IKZF1: variants seen among roughly 807,000 people sequenced by gnomAD.
The protein encoded by IKZF1 is IKAROS family zinc finger 1, also known as DNA-binding protein Ikaros.
A neutral mutation model predicts 51.7 loss-of-function variants in IKZF1; 10 were observed. That is an observed-to-expected ratio of 0.19 (90% confidence interval 0.12 to 0.33). The LOEUF (loss-of-function observed/expected upper bound fraction) is 0.33, where lower values mean the gene tolerates loss of function less well. IKZF1 is among the 10% of genes least tolerant of loss of function. The probability of loss-of-function intolerance (pLI) is 1.00; values close to 1 mark genes in which losing one functional copy is unlikely to be tolerated. For missense variants in IKZF1, 484 were observed against 707.5 expected (o/e 0.68, Z 3.58); for synonymous variants, 280 against 282.3 (o/e 0.99, Z 0.08).
At chr7:50,398,190 C>A (rs756175549) in intron 7 of IKZF1, among the ~76,000 whole-genome samples, 2 of 152,232 alleles carry the variant, frequency 1.3e-5, no homozygotes, top group African/African-American at 4.8e-5. Flanking sequence ...CCATAACCTG[C>A]ACATTGGGGA....
intron 4 of IKZF1, chr7:50,377,474 A>G (rs1810604527): frequency 6.6e-6 from 1 of 152,420 alleles, no homozygotes; most frequent in Non-Finnish European, 1.5e-5. Context: ...CCAGAAAGGA[A>G]GGAACACGGG....
intron 3 of IKZF1, chr7:50,368,551 G>A (rs781528079): frequency 1.0e-4 from 59 of 563,328 alleles, no homozygotes; most frequent in African/African-American, 1.9e-4. Context: ...CCTCCAGGCC[G>A]TTATTCTGTG....
At position 50,400,402 on chromosome 7, in the gene IKZF1, G is replaced by T. The variant is rs1449766740; in HGVS notation, c.1335G>T (p.Ser445=). ...TGCTGCGCGCCGCCTCCGAGAACTCGCAGGACGCGCTCCGCGTGGTCAGCA... is the reference window on the plus strand; with the variant it reads ...TGCTGCGCGCCGCCTCCGAGAACTCTCAGGACGCGCTCCGCGTGGTCAGCA... The part of the protein sequence containing the change: ...YDLLRAASEN[S]QDALRVVSTS... Residue 445 remains serine (S), a synonymous_variant, in exon 8 of 8, where the codon TCG becomes TCT. Coordinates refer to ENST00000331340, the MANE Select transcript of IKZF1 (RefSeq NM_006060.6). This position sits in a 1 kb window ranked among gnomAD's most constrained non-coding sequence, Gnocchi z 5.4. 1.2e-6 allele frequency: 2 copies of T among 1,613,558 alleles called. No individual in the cohort carries two copies. Among genetic ancestry groups the T allele is most frequent in the Non-Finnish European group, 1.7e-6 (2 of 1,179,780 alleles).
intron 4 of IKZF1, among the ~76,000 whole-genome samples, chr7:50,380,136 T>C (rs183269100): frequency 6.6e-6 from 1 of 152,294 alleles, no homozygotes; most frequent in East Asian, 1.9e-4. Flanking sequence ...TCTTCTTAGC[T>C]GTGGACCCCT....
intron 3 of IKZF1, among the ~76,000 whole-genome samples, chr7:50,351,631 T>C (rs1335973894): frequency 6.6e-6 from 1 of 152,206 alleles, no homozygotes; most frequent in African/African-American, 2.4e-5. Context: ...GAGCCCTTCA[T>C]TGCAACAAAG....
chr7:50,368,342 G>T, intron 3 of IKZF1: 2 of 701,538 alleles, frequency 2.9e-6, no homozygotes, highest in Non-Finnish European at 2.6e-6. Context: ...CGCAGATGCT[G>T]CTGGACAGCT....
chr7:50,367,758 A>T (rs1361291548), intron 3 of IKZF1: 2 of 462,312 alleles, frequency 4.3e-6, no homozygotes, highest in Non-Finnish European at 3.9e-6. Context: ...ACCCATCAGT[A>T]ATTGCTCCAA....
chr7:50,369,591 A>G, intron 3 of IKZF1: 1 of 398,624 alleles, frequency 2.5e-6, no homozygotes, highest in Non-Finnish European at 4.4e-6. Flanking sequence ...GCAAAACAGC[A>G]ACCAAACTGT....
chr7:50,325,923 C>CT (rs1484066075), intron 2 of IKZF1, among the ~76,000 whole-genome samples: 1 of 152,214 alleles, frequency 6.6e-6, no homozygotes, highest in East Asian at 1.9e-4. Context: ...CCTGCTCCGT[C>CT]TTTAACTATT....
chr7:50,320,818 A>T (rs1584454870), intron 2 of IKZF1, among the ~76,000 whole-genome samples: 2 of 152,336 alleles, frequency 1.3e-5, no homozygotes, highest in Admixed American at 6.5e-5. Context: ...TGCATTGAAG[A>T]ACTTACCTTA....
intron 7 of IKZF1, among the ~76,000 whole-genome samples, chr7:50,398,593 T>G (rs987922694): frequency 2.0e-5 from 3 of 152,224 alleles, no homozygotes; most frequent in Non-Finnish European, 4.4e-5. Flanking sequence ...GAAGGAATTA[T>G]CCATGCAATC....
At chr7:50,387,688 T>G (rs1316416054) in intron 6 of IKZF1, among the ~76,000 whole-genome samples, 1 of 152,170 alleles carries the variant, frequency 6.6e-6, no homozygotes, top group Non-Finnish European at 1.5e-5. Flanking sequence ...AGAGCTTGAT[T>G]TTAAAACCCT....
chr7:50,349,277 G>T (rs570281110), intron 3 of IKZF1, among the ~76,000 whole-genome samples: 1 of 152,260 alleles, frequency 6.6e-6, no homozygotes, highest in Non-Finnish European at 1.5e-5. Flanking sequence ...TGACTATATA[G>T]CTACTATCCA....
chr7:50,391,554 G>A (rs1815062638), intron 6 of IKZF1, among the ~76,000 whole-genome samples, 175 bp from the exon 7 acceptor site: 1 of 152,198 alleles, frequency 6.6e-6, no homozygotes, highest in African/African-American at 2.4e-5. Flanking sequence ...CTGGTCATTG[G>A]CATTGCTCCG....
intron 3 of IKZF1, among the ~76,000 whole-genome samples, chr7:50,365,719 T>G (rs911547277): frequency 6.6e-6 from 1 of 152,188 alleles, no homozygotes; most frequent in Admixed American, 6.5e-5. Context: ...TGGAAGACAG[T>G]GTGGCAATTC....
intron 3 of IKZF1, among the ~76,000 whole-genome samples, chr7:50,342,192 A>G (rs1799208192): frequency 1.3e-5 from 2 of 152,326 alleles, no homozygotes; most frequent in South Asian, 2.1e-4. Context: ...TTTAACATCA[A>G]TTGGGTTTAT....
intron 3 of IKZF1, among the ~76,000 whole-genome samples, chr7:50,362,867 A>T (rs985997446): frequency 6.6e-6 from 1 of 152,294 alleles, no homozygotes; most frequent in East Asian, 1.9e-4. Context: ...CCCATGATGC[A>T]AGCAAACAAA....
chr7:50,372,506 C>G (rs924834294), intron 3 of IKZF1, among the ~76,000 whole-genome samples: 3 of 152,240 alleles, frequency 2.0e-5, no homozygotes, highest in African/African-American at 7.2e-5. Flanking sequence ...CCATTTAAAA[C>G]GTTTTGAGCA....
chr7:50,371,467 A>G (rs368952011), intron 3 of IKZF1, among the ~76,000 whole-genome samples: 12 of 152,314 alleles, frequency 7.9e-5, no homozygotes, highest in Middle Eastern at 3.4e-3. Context: ...CTGTGGGACA[A>G]AGGCCCTGAA....
Sources: gnomAD v4.1 joint callset for allele counts (sites outside exome capture counted in the v4.1 genomes callset) on GRCh38, gnomAD v4.1.1 for gene constraint, Gnocchi (gnomAD v3.1) non-coding constraint, MANE v1.5 for transcripts, NCBI Gene and HGNC (gene_info 2026-07-23, HGNC 2026-07-21) for gene names.